The following PAPSS2 variants were observed in gnomAD, a reference collection of about 807,000 sequenced individuals.
PAPSS2 encodes bifunctional 3'-phosphoadenosine 5'-phosphosulfate synthase 2.
PAPSS2 carries 61 observed loss-of-function variants against 66.5 expected under a neutral mutation model. That is an observed-to-expected ratio of 0.92 (90% confidence interval 0.75 to 1.14). The LOEUF (loss-of-function observed/expected upper bound fraction) is 1.14, where lower values mean the gene tolerates loss of function less well. Among genes scored for constraint, PAPSS2 ranks in the 50% most tolerant of loss-of-function variants. PAPSS2 has a pLI of 0.00. For missense variants in PAPSS2, 708 were observed against 789.6 expected, an observed-to-expected ratio of 0.90 and a Z score of 1.24; for synonymous variants, 289 against 287.5, an observed-to-expected ratio of 1.01 and a Z score of -0.05.
Position 87,668,283 on chromosome 10 carries a change from T to C in PAPSS2, c.27+8275T>C, listed in dbSNP as rs149077332. On this transcript the variant is annotated intron_variant, in intron 1 of 12. Coordinates refer to ENST00000456849, the MANE Select transcript of PAPSS2 (RefSeq NM_001015880.2). ...TTTCCTTAAGCTCTCTAAAATCCTTTCCTTTTTCAGTTCCTGTCAAAATCC... is the reference window on the plus strand; with the variant it reads ...TTTCCTTAAGCTCTCTAAAATCCTTCCCTTTTTCAGTTCCTGTCAAAATCC... Among the ~76,000 whole-genome samples, 577 of 152,336 alleles carry C rather than the reference T, an allele frequency of 3.8e-3. 5 individuals carry two copies. Among genetic ancestry groups the C allele is most frequent in the African/African-American group, 0.013 (558 of 41,566 alleles).
intron 1 of PAPSS2, among the ~76,000 whole-genome samples, chr10:87,691,425 C>T (rs1424880769): frequency 2.0e-5 from 3 of 151,760 alleles, no homozygotes; most frequent in East Asian, 1.9e-4. Flanking sequence ...ATTTAACCTA[C>T]GTTCTCTTAT....
intron 3 of PAPSS2, 22 bp downstream of exon 3, chr10:87,713,332 AAAG>A: frequency 3.8e-6 from 5 of 1,314,146 alleles, no homozygotes; most frequent in Non-Finnish European, 5.4e-6. Flanking sequence ...AAAAAAAAAA[AAAG>A]GCACTACACA....
At chr10:87,729,879 C>T (rs949052966) in intron 9 of PAPSS2, among the ~76,000 whole-genome samples, 8 of 152,022 alleles carry the variant, frequency 5.3e-5, no homozygotes, top group Middle Eastern at 3.2e-3. Context: ...GCCTGTAATC[C>T]CAGCTACTTG....
rs545929343 is a variant in PAPSS2, at chr10:87,747,500, G to C, written c.*1530G>C. 6.6e-6 allele frequency: 1 copy of C among 152,070 alleles called. No individual in the cohort carries two copies. The highest frequency in any genetic ancestry group is 2.4e-5 in the African/African-American group (1 of 41,246). The allele number at this position is 152,070 out of a possible 1,614,324, so 9.4% of individuals were successfully genotyped here. On this transcript the variant is annotated 3_prime_UTR_variant, in exon 13 of 13. Transcript: ENST00000456849. ...GTATAGTGCCTATACTCATGTAATC[G>C]GTTACTCACTACTGCCTTTAAAAAA... is the stretch of plus-strand genomic sequence containing the variant.
intron 1 of PAPSS2, among the ~76,000 whole-genome samples, chr10:87,706,108 A>ATATATATATATATATATATATATGTGTG: frequency 1.9e-5 from 1 of 52,000 alleles, no homozygotes; most frequent in Non-Finnish European, 3.5e-5. Flanking sequence ...ATATATATAT[A>ATATATATATATATATATATATATGTGTG]TGTGTGTGTG....
chr10:87,746,108 TAAAA>T lies in PAPSS2; in HGVS notation c.*144_*147del. The T allele has an allele frequency of 3.2e-6, 2 of 631,568 alleles. No homozygotes were observed. The highest frequency in any genetic ancestry group is 3.3e-5 in the East Asian group (1 of 30,520). The allele number at this position is 631,568 out of a possible 1,614,324, so 39.1% of individuals were successfully genotyped here. A position where few individuals can be genotyped will look rare whatever the true frequency, so the allele number is the denominator to read the frequency against. The stretch of plus-strand genomic sequence containing the variant: ...ATGAAGTAAAAGTTGTGTCTATAAT[TAAAA>T]AAAAATATATATATATACACACACA... On this transcript the variant is annotated 3_prime_UTR_variant, in exon 13 of 13. Transcript: ENST00000456849.
At chr10:87,702,433 G>C (rs1018347267) in intron 1 of PAPSS2, among the ~76,000 whole-genome samples, 10 of 152,206 alleles carry the variant, frequency 6.6e-5, no homozygotes, top group Non-Finnish European at 1.0e-4. Flanking sequence ...GATAATGCAC[G>C]TGGAAGTGGA....
Position 87,745,069 on chromosome 10 carries a change from C to A in PAPSS2, c.1559C>A (p.Ala520Glu), listed in dbSNP as rs1853919400. Residue 520 changes from alanine (A) to glutamate (E), a missense_variant, in exon 12 of 13, where the codon GCA (alanine) becomes GAA (glutamate). Transcript: ENST00000456849. Reference sequence around the variant, plus strand: ...TTCTACATTGTGGGGAGGGACCCTGCAGGAATGCCCCATCCTGAAACCAAG... The same window carrying A: ...TTCTACATTGTGGGGAGGGACCCTGAAGGAATGCCCCATCCTGAAACCAAG... Reference protein sequence around the residue: ...ANFYIVGRDPAGMPHPETKKD... With the variant: ...ANFYIVGRDPEGMPHPETKKD... 1 of 1,613,960 alleles carries A rather than the reference C, an allele frequency of 6.2e-7. No individual in the cohort carries two copies. Among genetic ancestry groups the A allele is most frequent in the African/African-American group, 1.3e-5 (1 of 74,912 alleles).
At chr10:87,733,240 C>A (rs913088758) in intron 9 of PAPSS2, among the ~76,000 whole-genome samples, 1 of 152,214 alleles carries the variant, frequency 6.6e-6, no homozygotes, top group Non-Finnish European at 1.5e-5. Context: ...TTATCTCCAA[C>A]GTCATTCTTG....
At chr10:87,706,108 A>ATG (rs150079044) in intron 1 of PAPSS2, among the ~76,000 whole-genome samples, 886 of 52,006 alleles carry the variant, frequency 0.017, 41 homozygotes, top group South Asian at 0.072. Context: ...ATATATATAT[A>ATG]TGTGTGTGTG....
At chr10:87,674,630 T>A (rs1207047014) in intron 1 of PAPSS2, among the ~76,000 whole-genome samples, 1 of 152,196 alleles carries the variant, frequency 6.6e-6, no homozygotes. Flanking sequence ...GCAAAATATC[T>A]GTGCTTTTTA....
chr10:87,745,721 G>A (rs1853928982), intron 12 of PAPSS2, 111 bp from the exon 13 acceptor site: 3 of 1,071,666 alleles, frequency 2.8e-6, no homozygotes, highest in African/African-American at 1.6e-5. Flanking sequence ...TTTTGAAGAT[G>A]CAGCATTTTA....
At chr10:87,726,506 G>A (rs1853661373) in intron 8 of PAPSS2, among the ~76,000 whole-genome samples, 2 of 152,160 alleles carry the variant, frequency 1.3e-5, no homozygotes, top group Admixed American at 1.3e-4. Context: ...GTAACACAAA[G>A]GATAAATGCT....
chr10:87,679,500 TA>T, intron 1 of PAPSS2, among the ~76,000 whole-genome samples: 1 of 152,336 alleles, frequency 6.6e-6, no homozygotes, highest in East Asian at 1.9e-4. Flanking sequence ...TACCCTGACT[TA>T]ATCATTACAC....
At chr10:87,715,143 C>T (rs1853517747) in intron 6 of PAPSS2, 45 bp downstream of exon 6, 3 of 962,520 alleles carry the variant, frequency 3.1e-6, no homozygotes, top group African/African-American at 3.2e-5. Flanking sequence ...TAATATCAGT[C>T]ATTATAATTT....
intron 8 of PAPSS2, among the ~76,000 whole-genome samples, chr10:87,724,917 T>C (rs941168582): frequency 8.1e-5 from 10 of 123,042 alleles, no homozygotes; most frequent in Admixed American, 1.7e-4. Flanking sequence ...AATTGGTTCG[T>C]GTGATTGTGG....
At position 87,686,060 on chromosome 10, in the gene PAPSS2, A is replaced by G. The variant is rs140795720; in HGVS notation, c.28-23136A>G. The stretch of plus-strand genomic sequence containing the variant: ...CTGAGTTCAGATGTTCCCTAGCCCA[A>G]GAAGACTAATCATGCACCTGGTTTC... On this transcript the variant is annotated intron_variant, in intron 1 of 12. Coordinates refer to ENST00000456849, the MANE Select transcript of PAPSS2 (RefSeq NM_001015880.2). Among the ~76,000 whole-genome samples the G allele has an allele frequency of 7.4e-4, 113 of 151,948 alleles. 1 individual carries two copies. The highest frequency in any genetic ancestry group is 2.4e-3 in the African/African-American group (101 of 41,446).
intron 9 of PAPSS2, among the ~76,000 whole-genome samples, chr10:87,738,988 TTG>T (rs1853834080): frequency 6.6e-6 from 1 of 152,248 alleles, no homozygotes; most frequent in African/African-American, 2.4e-5. Flanking sequence ...TTTTTCACTG[TTG>T]TGTTCTTTGA....
chr10:87,686,645 T>C lies in PAPSS2; in HGVS notation c.28-22551T>C, dbSNP rs370667370. On this transcript the variant is annotated intron_variant, in intron 1 of 12. Coordinates refer to ENST00000456849, the MANE Select transcript of PAPSS2 (RefSeq NM_001015880.2). ...ATCTAAATTTTGAAAAATTGCTATGTCTACAATTTCAGAACTGGTTGTCGA... is the reference window on the plus strand; with the variant it reads ...ATCTAAATTTTGAAAAATTGCTATGCCTACAATTTCAGAACTGGTTGTCGA... Among the ~76,000 whole-genome samples, 34 of 152,330 alleles carry C rather than the reference T, an allele frequency of 2.2e-4. No homozygotes were observed. The East Asian group carries it at 4.6e-3, about 21-fold the overall frequency.
Sources: gnomAD v4.1 joint callset for allele counts (sites outside exome capture counted in the v4.1 genomes callset) on GRCh38, gnomAD v4.1.1 for gene constraint, MANE v1.5 for transcripts, NCBI Gene and HGNC (gene_info 2026-07-23, HGNC 2026-07-21) for gene names.